MMP2: variants seen among roughly 807,000 people sequenced by gnomAD.
The protein encoded by MMP2 is matrix metallopeptidase 2, also known as 72 kDa type IV collagenase.
In MMP2, 39 loss-of-function variants were observed where a neutral mutation model predicts 74.8. The observed-to-expected ratio is 0.52, with a 90% confidence interval of 0.40 to 0.68. The LOEUF is 0.68. Ranked by LOEUF, MMP2 falls within the 30% of genes least tolerant of loss-of-function variation. The probability of loss-of-function intolerance (pLI) is 0.00; values close to 1 mark genes in which losing one functional copy is unlikely to be tolerated. For synonymous variants in MMP2, 367 were observed against 339.8 expected (o/e 1.08, Z -0.88); for missense variants, 803 against 878.3 (o/e 0.91, Z 1.08).
In MMP2 at chr16:55,506,166, C is replaced by G. The variant is rs1032182824; in HGVS notation, c.*724C>G. Reference sequence around the variant, plus strand: ...CCAAGCCGTGGCTTCCCGCTCAGCCCTCCCTGCCCCTCCCTTCAACCATTC... The same window carrying G: ...CCAAGCCGTGGCTTCCCGCTCAGCCGTCCCTGCCCCTCCCTTCAACCATTC... On this transcript the variant is annotated 3_prime_UTR_variant, in exon 13 of 13. Transcript: ENST00000219070. 2.0e-5 allele frequency: 3 copies of G among 152,432 alleles called. No individual in the cohort carries two copies. Among genetic ancestry groups the G allele is most frequent in the Non-Finnish European group, 4.4e-5 (3 of 68,182 alleles). 9.4% of individuals were successfully genotyped at this position (152,432 alleles called of 1,614,324 possible).
In MMP2 at chr16:55,502,836, C is replaced by G. The variant is rs1323721358; in HGVS notation, c.1827C>G (p.Ala609=). ...DPGFPKLIAD[A]WNAIPDNLDA... is the part of the protein sequence containing the mutation. ...GCTTCCCCAAGCTCATCGCAGATGC[C>G]TGGAATGCCATCCCCGATAACCTGG... is the stretch of plus-strand genomic sequence containing the variant. Residue 609 remains alanine (A), a synonymous_variant, in exon 12 of 13, where the codon GCC becomes GCG. Transcript: ENST00000219070. 3 of 1,614,022 alleles carry G rather than the reference C, an allele frequency of 1.9e-6. No individual in the cohort carries two copies. In the African/African-American group the frequency reaches 4.0e-5, roughly 22 times the overall value.
At chr16:55,494,160 T>C (rs1428537605) in intron 9 of MMP2, among the ~76,000 whole-genome samples, 2 of 152,268 alleles carry the variant, frequency 1.3e-5, no homozygotes, top group African/African-American at 4.8e-5. Context: ...ATCCATTTAT[T>C]CATTCATAGA....
intron 4 of MMP2, 43 bp downstream of exon 4, chr16:55,485,470 T>A: frequency 6.2e-7 from 1 of 1,613,876 alleles, no homozygotes; most frequent in East Asian, 2.2e-5. Flanking sequence ...TTCTCTCCTG[T>A]CCTCTCTCCA....
chr16:55,492,509 G>A lies in MMP2; in HGVS notation c.1336+553G>A, dbSNP rs149158724. On this transcript the variant is annotated intron_variant, in intron 8 of 12. Transcript: ENST00000219070. ...TTACAGTGAGGCTAGAGTTTAAAAA[G>A]TCAGTTCATTTTTAAAAAATATTTA... Among the ~76,000 whole-genome samples, 267 of 151,646 alleles carry A rather than the reference G, an allele frequency of 1.8e-3. 3 individuals carry two copies. Among genetic ancestry groups the A allele is most frequent in the South Asian group, 4.4e-3 (21 of 4,790 alleles).
rs2142367615 is a variant in MMP2 at position 55,498,301 on chromosome 16, G to T, written c.1622G>T (p.Trp541Leu). The T allele has an allele frequency of 6.2e-7, 1 of 1,614,170 alleles. No homozygotes were observed. The highest frequency in any genetic ancestry group is 8.5e-7 in the Non-Finnish European group (1 of 1,180,058). Residue 541 changes from tryptophan to leucine, a missense_variant, in exon 11 of 13, where the codon TGG (tryptophan) becomes TTG (leucine). Around this residue, in one of 3 missense-constraint regions of MMP2, gnomAD observed 555 missense variants for 592.0 expected, o/e 0.94. Transcript: ENST00000219070. ...KAVFFAGNEYWIYSASTLERG... is the reference protein window; with the variant it reads ...KAVFFAGNEYLIYSASTLERG... The stretch of plus-strand genomic sequence containing the variant: ...GCTTCCACCCCAGGGAATGAATACT[G>T]GATCTACTCAGCCAGCACCCTGGAG...
intron 1 of MMP2, chr16:55,481,884 T>C (rs1334466437): frequency 4.0e-6 from 3 of 758,910 alleles, no homozygotes; most frequent in Non-Finnish European, 7.4e-6. Flanking sequence ...ACATGGTAAG[T>C]ACTCAATAAG....
rs577207048 is a variant in MMP2 at position 55,502,884 on chromosome 16, C to T, written c.1875C>T (p.Gly625=). The change falls in exon 12 of 13, where the codon GGC becomes GGT. Residue 625 remains glycine (G), a synonymous_variant. Transcript: ENST00000219070. The part of the protein sequence containing the change: ...DNLDAVVDLQ[G]GGHSYFFKGA... ...TGGATGCCGTCGTGGACCTGCAGGG[C>T]GGCGGTGAGCCACCCAGGACTGTCT... is the stretch of plus-strand genomic sequence containing the variant. 5.5e-5 allele frequency: 88 copies of T among 1,612,724 alleles called. No homozygotes were observed. Among genetic ancestry groups the T allele is most frequent in the South Asian group, 1.9e-4 (17 of 91,052 alleles).
chr16:55,482,847 T>C, intron 1 of MMP2, 62 bp from the exon 2 acceptor site: 2 of 1,417,718 alleles, frequency 1.4e-6, no homozygotes, highest in East Asian at 2.3e-5. Flanking sequence ...TACAGCCTGC[T>C]TTGGTCAGTA....
intron 7 of MMP2, 52 bp from the exon 8 acceptor site, chr16:55,491,749 C>G: frequency 1.6e-5 from 26 of 1,605,284 alleles, no homozygotes; most frequent in Non-Finnish European, 2.2e-5. Context: ...CTTGACTTCT[C>G]TCTCATCTCT....
chr16:55,505,380 G>C lies in MMP2; in HGVS notation c.1921G>C (p.Glu641Gln). 6.2e-7 allele frequency: 1 copy of C among 1,614,106 alleles called. No individual in the cohort carries two copies. The highest frequency in any genetic ancestry group is 1.3e-5 in the African/African-American group (1 of 75,016). ...CAAGGGTGCCTATTACCTGAAGCTG[G>C]AGAACCAAAGTCTGAAGAGCGTGAA... ...FFKGAYYLKLENQSLKSVKFG... is the reference protein window; with the variant it reads ...FFKGAYYLKLQNQSLKSVKFG... The change falls in exon 13 of 13, where the codon GAG (glutamate) becomes CAG (glutamine). Residue 641 changes from glutamate (E) to glutamine (Q), a missense_variant. Glu to Gln is a conservative substitution (Grantham distance 29). This residue lies in a region of MMP2 where 555 missense variants were observed against 592.0 expected (regional missense o/e 0.94). Transcript: ENST00000219070.
chr16:55,489,381 T>G (rs544587779), intron 6 of MMP2, among the ~76,000 whole-genome samples: 1 of 152,338 alleles, frequency 6.6e-6, no homozygotes, highest in Admixed American at 6.5e-5. Flanking sequence ...CTTCCTGGGT[T>G]TGAATTGCAG....
rs1382155355 is a variant in MMP2, at chr16:55,479,583, T to G, written c.104T>G (p.Ile35Ser). ...GCCGCCGCCGCGCCGTCGCCCATCA[T>G]CAAGTTCCCCGGCGATGTCGCCCCC... ...SHAAAAPSPI[I>S]KFPGDVAPKT... Residue 35 changes from isoleucine to serine, a missense_variant, in exon 1 of 13, where the codon ATC (isoleucine) becomes AGC (serine). Ile to Ser is a moderately radical substitution (Grantham distance 142, BLOSUM62 -2). Transcript: ENST00000219070. 1 of 1,613,534 alleles carries G rather than the reference T, an allele frequency of 6.2e-7. No homozygotes were observed. Among genetic ancestry groups the G allele is most frequent in the Admixed American group, 1.7e-5 (1 of 60,000 alleles).
intron 8 of MMP2, 25 bp downstream of exon 8, chr16:55,491,981 G>T (rs1962419111): frequency 2.5e-6 from 4 of 1,583,326 alleles, no homozygotes; most frequent in South Asian, 1.1e-5. Context: ...GGGGGTTGGG[G>T]GTGGAGGGTG....
chr16:55,479,479 G>C lies in MMP2; in HGVS notation c.-1G>C. Reference sequence around the variant, plus strand: ...GACGCGCGGGGCCAGGGAGCGCTACGATGGAGGCGCTAATGGCCCGGGGCG... The same window carrying C: ...GACGCGCGGGGCCAGGGAGCGCTACCATGGAGGCGCTAATGGCCCGGGGCG... On this transcript the variant is annotated 5_prime_UTR_variant, in exon 1 of 13. Coordinates refer to ENST00000219070, the MANE Select transcript of MMP2 (RefSeq NM_004530.6). The C allele has an allele frequency of 6.4e-7, 1 of 1,565,956 alleles. No individual in the cohort carries two copies. Among genetic ancestry groups the C allele is most frequent in the Non-Finnish European group, 8.7e-7 (1 of 1,156,036 alleles).
At chr16:55,492,081 C>A in intron 8 of MMP2, 125 bp downstream of exon 8, 2 of 932,800 alleles carry the variant, frequency 2.1e-6, no homozygotes, top group Non-Finnish European at 3.3e-6. Context: ...GAGACGAGGG[C>A]AGGAAATGGG....
At chr16:55,498,544 GT>G in intron 11 of MMP2, 96 bp downstream of exon 11, 1 of 1,552,992 alleles carries the variant, frequency 6.4e-7, no homozygotes. Context: ...GAGTTCAGAG[GT>G]TGGTGGGCTC....
chr16:55,498,490 C>A (rs370695079), intron 11 of MMP2, 42 bp downstream of exon 11: 3 of 1,613,424 alleles, frequency 1.9e-6, no homozygotes, highest in African/African-American at 1.3e-5. Flanking sequence ...CAGTTGGCTG[C>A]GAGAGACAGA....
Position 55,498,317 on chromosome 16 carries a change from C to T in MMP2, c.1638C>T (p.Ser546=), listed in dbSNP as rs1962579654. Residue 546 remains serine, a synonymous_variant, in exon 11 of 13, where the codon AGC becomes AGT. Coordinates refer to ENST00000219070, the MANE Select transcript of MMP2 (RefSeq NM_004530.6). The part of the protein sequence containing the change: ...AGNEYWIYSA[S]TLERGYPKPL... Reference sequence around the variant, plus strand: ...ATGAATACTGGATCTACTCAGCCAGCACCCTGGAGCGAGGGTACCCCAAGC... The same window carrying T: ...ATGAATACTGGATCTACTCAGCCAGTACCCTGGAGCGAGGGTACCCCAAGC... 2 of 1,614,126 alleles carry T rather than the reference C, an allele frequency of 1.2e-6. No homozygotes were observed. The highest frequency in any genetic ancestry group is 1.3e-5 in the African/African-American group (1 of 74,952).
At chr16:55,494,274 C>T (rs1222848671) in intron 9 of MMP2, among the ~76,000 whole-genome samples, 1 of 152,202 alleles carries the variant, frequency 6.6e-6, no homozygotes, top group East Asian at 1.9e-4. Flanking sequence ...AATTAAGTAT[C>T]TTCTTTGTAC....
Sources: allele counts gnomAD v4.1 joint callset (sites outside exome capture counted in the v4.1 genomes callset), GRCh38; gene constraint gnomAD v4.1.1; regional missense constraint gnomAD v4.1.1; transcripts MANE v1.5; gene names NCBI Gene and HGNC (gene_info 2026-07-23, HGNC 2026-07-21).